COL26A1: variants seen among roughly 807,000 people sequenced by gnomAD.
COL26A1 encodes collagen alpha-1(XXVI) chain.
COL26A1 carries 41 observed loss-of-function variants against 59.3 expected under a neutral mutation model. The observed-to-expected ratio is 0.69, with a 90% CI of 0.54 to 0.90. The LOEUF (loss-of-function observed/expected upper bound fraction) is 0.90, where lower values mean the gene tolerates loss of function less well. COL26A1 is among the 40% of genes least tolerant of loss of function. The pLI is 0.00. For synonymous variants in COL26A1, 266 were observed against 256.0 expected (o/e 1.04, Z -0.37); for missense variants, 612 against 602.3 (o/e 1.02, Z -0.17).
At chr7:101,365,810 G>A (rs1269136872) in intron 1 of COL26A1, among the ~76,000 whole-genome samples, 1 of 108,290 alleles carries the variant, frequency 9.2e-6, no homozygotes, top group Non-Finnish European at 1.8e-5. Context: ...TAATTAAAAG[G>A]TGTGGGAAGG....
At chr7:101,500,611 A>G (rs890321632) in intron 3 of COL26A1, among the ~76,000 whole-genome samples, 2 of 152,118 alleles carry the variant, frequency 1.3e-5, no homozygotes, top group African/African-American at 4.8e-5. Flanking sequence ...TGAGGTCAGG[A>G]GTTCGAGACC....
chr7:101,526,532 G>A (rs745620201), intron 3 of COL26A1, among the ~76,000 whole-genome samples: 1 of 152,178 alleles, frequency 6.6e-6, no homozygotes, highest in Non-Finnish European at 1.5e-5. Flanking sequence ...TGTGGCTCAA[G>A]TAGACTCCAG....
chr7:101,465,587 G>T (rs1793737417), intron 3 of COL26A1, among the ~76,000 whole-genome samples: 1 of 151,858 alleles, frequency 6.6e-6, no homozygotes, highest in Non-Finnish European at 1.5e-5. Flanking sequence ...CCAGCTACTG[G>T]GGAGGCCAAG....
At chr7:101,518,256 G>A (rs1543885) in intron 3 of COL26A1, among the ~76,000 whole-genome samples, 47,552 of 152,082 alleles carry the variant, frequency 0.31, 7,711 homozygotes, top group Middle Eastern at 0.38. Flanking sequence ...TGACCAGTGG[G>A]TGCTACAGGA....
intron 3 of COL26A1, among the ~76,000 whole-genome samples, chr7:101,524,214 T>C (rs901352053): frequency 6.6e-6 from 1 of 150,766 alleles, no homozygotes; most frequent in African/African-American, 2.4e-5. Context: ...GAGGTTGCAG[T>C]GAGCTAAGAT....
chr7:101,558,180 C>G lies in COL26A1; in HGVS notation c.*650C>G, dbSNP rs1029435282. On this transcript the variant is annotated 3_prime_UTR_variant, in exon 13 of 13. Transcript: ENST00000313669. ...CAGGGTCCTGCAGGGCCTGGGGCTT[C>G]CCTTCCTCATCCCCCTTCCCCACTG... The G allele has an allele frequency of 6.6e-6, 1 of 152,436 alleles. No individual in the cohort carries two copies. Among genetic ancestry groups the G allele is most frequent in the Non-Finnish European group, 1.5e-5 (1 of 68,244 alleles). 9.4% of individuals were successfully genotyped at this position (152,436 alleles called of 1,614,324 possible). A position where few individuals can be genotyped will look rare whatever the true frequency, so the allele number is the denominator to read the frequency against.
At chr7:101,469,668 T>G (rs531271153) in intron 3 of COL26A1, among the ~76,000 whole-genome samples, 1 of 152,188 alleles carries the variant, frequency 6.6e-6, no homozygotes, top group East Asian at 1.9e-4. Context: ...TTTTGTATTT[T>G]TAGTAGAGAT....
chr7:101,481,022 A>G (rs1299516307), intron 3 of COL26A1, among the ~76,000 whole-genome samples: 1 of 152,040 alleles, frequency 6.6e-6, no homozygotes, highest in Non-Finnish European at 1.5e-5. Context: ...GGGTTTCTGG[A>G]TAAATGCTAG....
intron 1 of COL26A1, among the ~76,000 whole-genome samples, chr7:101,365,101 C>G (rs1202761630): frequency 6.6e-6 from 1 of 152,172 alleles, no homozygotes; most frequent in East Asian, 1.9e-4. Flanking sequence ...AGTTTGTATG[C>G]AATCCTATTT....
At chr7:101,553,219 C>A in intron 10 of COL26A1, 107 bp from the exon 11 acceptor site, 1 of 1,003,570 alleles carries the variant, frequency 1.0e-6, no homozygotes. Flanking sequence ...CCAGGCCCTG[C>A]CTGCCCAGCC....
At chr7:101,536,460 G>A (rs116985485) in intron 4 of COL26A1, among the ~76,000 whole-genome samples, 3,252 of 152,348 alleles carry the variant, frequency 0.021, 47 homozygotes, top group Middle Eastern at 0.088. Flanking sequence ...CAGGAGCCAG[G>A]ACACGGAGCT....
In COL26A1 at chr7:101,509,291, CAAA is replaced by C. The variant is rs1373347650; in HGVS notation, c.386-23789_386-23787del. On this transcript the variant is annotated intron_variant, in intron 3 of 12. Coordinates refer to ENST00000313669, the MANE Select transcript of COL26A1 (RefSeq NM_001278563.3). ...GAAACCCACTTCTCTACTAAAAATA[CAAA>C]AGTTAACCAGACGTGGTAGCAGGCG... Among the ~76,000 whole-genome samples, 3 of 151,844 alleles carry C rather than the reference CAAA, an allele frequency of 2.0e-5. No individual in the cohort carries two copies. In the South Asian group the frequency reaches 6.3e-4, roughly 32 times the overall value.
intron 3 of COL26A1, among the ~76,000 whole-genome samples, chr7:101,513,935 C>T (rs749302261): frequency 1.2e-4 from 19 of 152,012 alleles, no homozygotes; most frequent in African/African-American, 3.9e-4. Context: ...AATAGGAAAA[C>T]GGGTCAAGGG....
At chr7:101,537,145 CCA>C (rs1259538628) in intron 4 of COL26A1, among the ~76,000 whole-genome samples, 1 of 152,198 alleles carries the variant, frequency 6.6e-6, no homozygotes, top group Non-Finnish European at 1.5e-5. Context: ...GCCAGGCAAC[CCA>C]CAGAGTCTGC....
chr7:101,364,514 A>AG (rs2116989516), intron 1 of COL26A1, among the ~76,000 whole-genome samples: 1 of 151,576 alleles, frequency 6.6e-6, no homozygotes, highest in East Asian at 1.9e-4. Flanking sequence ...GAAGAAACAG[A>AG]GGCTCAGGAT....
At position 101,468,449 on chromosome 7, in the gene COL26A1, T is replaced by C. The variant is rs1793816886; in HGVS notation, c.385+20662T>C. ...TGTAAGTGACCTGCCCATCCGTTTC[T>C]CTTCTGGAAATAGGGTCATAGGAGT... On this transcript the variant is annotated intron_variant, in intron 3 of 12. Transcript: ENST00000313669. Among the ~76,000 whole-genome samples, 3 of 152,310 alleles carry C rather than the reference T, an allele frequency of 2.0e-5. No individual in the cohort carries two copies. In the South Asian group the frequency reaches 6.2e-4, roughly 32 times the overall value.
chr7:101,514,652 G>A (rs922004340), intron 3 of COL26A1, among the ~76,000 whole-genome samples: 2 of 152,178 alleles, frequency 1.3e-5, no homozygotes, highest in Non-Finnish European at 2.9e-5. Flanking sequence ...CTGATGTCAG[G>A]ACCCCCCTCC....
intron 4 of COL26A1, 58 bp from the exon 5 acceptor site, chr7:101,539,835 G>T (rs1795569728): frequency 1.3e-6 from 2 of 1,544,742 alleles, no homozygotes; most frequent in Non-Finnish European, 1.8e-6. Context: ...TGTGTGTCAC[G>T]CATGTCCCTA....
At chr7:101,535,052 C>A (rs1795453043) in intron 4 of COL26A1, among the ~76,000 whole-genome samples, 1 of 152,190 alleles carries the variant, frequency 6.6e-6, no homozygotes, top group South Asian at 2.1e-4. Flanking sequence ...CGGGGAGCCC[C>A]ACGGCATGCA....
Sources: allele counts gnomAD v4.1 joint callset (sites outside exome capture counted in the v4.1 genomes callset), GRCh38; gene constraint gnomAD v4.1.1; transcripts MANE v1.5; gene names NCBI Gene and HGNC (gene_info 2026-07-23, HGNC 2026-07-21).